SPAG17: variants seen among roughly 807,000 people sequenced by gnomAD.
The protein encoded by SPAG17 is sperm-associated antigen 17.
SPAG17 carries 169 observed loss-of-function variants against 273.6 expected under a neutral mutation model. That is an observed-to-expected ratio of 0.62 (90% CI 0.55 to 0.70). The LOEUF (loss-of-function observed/expected upper bound fraction) is 0.70, where lower values mean the gene tolerates loss of function less well. Among genes scored for constraint, SPAG17 ranks in the 30% least tolerant of loss-of-function variants. The pLI is 0.00. For synonymous variants in SPAG17, 825 were observed against 873.2 expected, an observed-to-expected ratio of 0.94 and a Z score of 0.97; for missense variants, 2,557 against 2,627.8, an observed-to-expected ratio of 0.97 and a Z score of 0.59.
intron 13 of SPAG17, among the ~76,000 whole-genome samples, chr1:118,085,655 A>G (rs1268429124): frequency 1.3e-5 from 2 of 152,182 alleles, no homozygotes; most frequent in Non-Finnish European, 2.9e-5. Flanking sequence ...AAAACGAGGA[A>G]AAAAGGGAAT....
At chr1:117,998,915 T>G (rs1047633508) in intron 32 of SPAG17, among the ~76,000 whole-genome samples, 1 of 152,096 alleles carries the variant, frequency 6.6e-6, no homozygotes, top group African/African-American at 2.4e-5. Flanking sequence ...ATGTGCCATA[T>G]TGGTTTGCTG....
In SPAG17 at chr1:118,081,131, T is replaced by A. The variant is rs1439786266; in HGVS notation, c.2179A>T (p.Met727Leu). Residue 727 changes from methionine to leucine, a missense_variant, in exon 15 of 49, where the codon ATG becomes TTG. Transcript: ENST00000336338. ...GACTCATGTTGGGGCTGAGCCTTCA[T>A]GATGCTCTCCTGCTCTAACAGCTGT... is the stretch of plus-strand genomic sequence containing the variant. The part of the protein sequence containing the change: ...NRQLLEQESI[M>L]KAQPQHESLE... 1 of 1,614,018 alleles carries A rather than the reference T, an allele frequency of 6.2e-7. No individual in the cohort carries two copies. Among genetic ancestry groups the A allele is most frequent in the South Asian group, 1.1e-5 (1 of 91,068 alleles).
chr1:118,147,517 C>A (rs1417701349), intron 3 of SPAG17, among the ~76,000 whole-genome samples: 1 of 152,112 alleles, frequency 6.6e-6, no homozygotes, highest in Non-Finnish European at 1.5e-5. Flanking sequence ...GAAACAGTTC[C>A]TAGTAGAGCA....
chr1:118,039,543 G>C, intron 22 of SPAG17, 99 bp from the exon 23 acceptor site: 1 of 1,267,040 alleles, frequency 7.9e-7, no homozygotes, highest in South Asian at 1.3e-5. Flanking sequence ...ACAAACACAC[G>C]AACAGAAAAC....
chr1:118,011,049 AT>A (rs1300413914), intron 30 of SPAG17, among the ~76,000 whole-genome samples: 1 of 152,208 alleles, frequency 6.6e-6, no homozygotes, highest in African/African-American at 2.4e-5. Context: ...CAGAATGGCA[AT>A]TATTAAAAGG....
At chr1:117,959,539 C>A in intron 48 of SPAG17, 1 of 1,315,976 alleles carries the variant, frequency 7.6e-7, no homozygotes. Flanking sequence ...CTTAAAAATA[C>A]CAAATAACAG....
At chr1:118,149,442 A>C (rs1436805573) in intron 3 of SPAG17, among the ~76,000 whole-genome samples, 2 of 152,218 alleles carry the variant, frequency 1.3e-5, no homozygotes, top group African/African-American at 4.8e-5. Flanking sequence ...ATAGCCACTC[A>C]CAAGAAAAAT....
chr1:118,059,997 T>G (rs989919227), intron 18 of SPAG17, among the ~76,000 whole-genome samples: 1 of 152,312 alleles, frequency 6.6e-6, no homozygotes, highest in South Asian at 2.1e-4. Flanking sequence ...ATATAGCATA[T>G]TACATTTATT....
chr1:118,097,919 T>C (rs1655821395), intron 6 of SPAG17, 68 bp from the exon 7 acceptor site: 1 of 1,101,988 alleles, frequency 9.1e-7, no homozygotes, highest in Admixed American at 2.7e-5. Flanking sequence ...TAAGTGAACA[T>C]GGTGAGTCAT....
At chr1:118,156,012 G>A (rs187779350) in intron 1 of SPAG17, among the ~76,000 whole-genome samples, 39 of 152,298 alleles carry the variant, frequency 2.6e-4, no homozygotes, top group African/African-American at 8.4e-4. Context: ...ATGGGCATAC[G>A]TTGTTATATA....
At position 117,955,324 on chromosome 1, in the gene SPAG17, T is replaced by C. The variant is rs368296787; in HGVS notation, c.*1-1275A>G. 11 of 1,612,164 alleles carry C rather than the reference T, an allele frequency of 6.8e-6. No homozygotes were observed. The African/African-American group carries it at 1.5e-4, about 22-fold the overall frequency. On this transcript the variant is annotated intron_variant, in intron 48 of 48. Coordinates refer to ENST00000336338, the MANE Select transcript of SPAG17 (RefSeq NM_206996.4). The stretch of plus-strand genomic sequence containing the variant: ...AATCCTTCCTTTATAGCCTTCAGCT[T>C]ATGTATTAGAGATTTTTAAAGGGAT...
chr1:118,178,114 C>T (rs767332276), intron 1 of SPAG17, among the ~76,000 whole-genome samples: 8 of 152,118 alleles, frequency 5.3e-5, no homozygotes, highest in South Asian at 4.1e-4. Context: ...GAAACAACAA[C>T]GTAAAAGGCT....
chr1:118,133,181 A>G (rs1264135550), intron 3 of SPAG17, among the ~76,000 whole-genome samples: 3 of 152,158 alleles, frequency 2.0e-5, no homozygotes, highest in Admixed American at 1.3e-4. Flanking sequence ...CAACTAGAAC[A>G]GTGGCCAGCA....
intron 1 of SPAG17, among the ~76,000 whole-genome samples, chr1:118,156,874 A>T (rs989449513): frequency 6.6e-6 from 1 of 151,306 alleles, no homozygotes; most frequent in African/African-American, 2.4e-5. Context: ...TGGAGTGGGG[A>T]GAGAAGGGAG....
intron 3 of SPAG17, among the ~76,000 whole-genome samples, chr1:118,135,199 C>G (rs2102307116): frequency 6.6e-6 from 1 of 152,284 alleles, no homozygotes; most frequent in East Asian, 1.9e-4. Flanking sequence ...TCCAGCCAGC[C>G]CTCCTCTCAC....
chr1:118,120,248 G>A (rs1449961791), intron 3 of SPAG17, among the ~76,000 whole-genome samples: 3 of 151,514 alleles, frequency 2.0e-5, no homozygotes, highest in Admixed American at 1.3e-4. Context: ...TAAACCACAT[G>A]TGACTATTGA....
In SPAG17 at chr1:118,114,623, C is replaced by T. The variant is rs370110570; in HGVS notation, c.447+687G>A. 6.6e-5 allele frequency among the ~76,000 whole-genome samples: 10 copies of T among 152,222 alleles called. No homozygotes were observed. The East Asian group carries it at 1.4e-3, about 21-fold the overall frequency. ...AGTATTTGGCTTTCCAAACATAATT[C>T]AGCATGATTTGGAAAATAAGAAAAA... On this transcript the variant is annotated intron_variant, in intron 4 of 48. Coordinates refer to ENST00000336338, the MANE Select transcript of SPAG17 (RefSeq NM_206996.4).
rs535440191 is a variant in SPAG17 at position 118,086,448 on chromosome 1, T to C, written c.1611+223A>G. ...TTAGTGGTGGTAACAATTAATTGAA[T>C]TGTTAATTAGACCTCAATAATCAGG... On this transcript the variant is annotated intron_variant, in intron 12 of 48. Coordinates refer to ENST00000336338, the MANE Select transcript of SPAG17 (RefSeq NM_206996.4). Among the ~76,000 whole-genome samples the C allele has an allele frequency of 7.9e-5, 12 of 152,328 alleles. No homozygotes were observed. In the Middle Eastern group the frequency reaches 0.01, roughly 130 times the overall value.
rs993887376 is a variant in SPAG17 at position 118,101,006 on chromosome 1, T to G, written c.634+734A>C. ...ATTTTGCTTTATAATTATGTCTGAC[T>G]TTCCTATATGTGCCCAACAAGATAG... On this transcript the variant is annotated intron_variant, in intron 5 of 48. Coordinates refer to ENST00000336338, the MANE Select transcript of SPAG17 (RefSeq NM_206996.4). Among the ~76,000 whole-genome samples the G allele has an allele frequency of 2.0e-5, 3 of 152,310 alleles. No homozygotes were observed. The South Asian group carries it at 6.2e-4, about 32-fold the overall frequency.
Sources: gnomAD v4.1 joint callset for allele counts (sites outside exome capture counted in the v4.1 genomes callset) on GRCh38, gnomAD v4.1.1 for gene constraint, MANE v1.5 for transcripts, NCBI Gene and HGNC (gene_info 2026-07-23, HGNC 2026-07-21) for gene names.